The following PTPRC variants were observed in gnomAD, a reference collection of about 807,000 sequenced individuals.
PTPRC encodes receptor-type tyrosine-protein phosphatase C.
In PTPRC, 44 loss-of-function variants were observed where a neutral mutation model predicts 155.9. The observed-to-expected ratio is 0.28, with a 90% CI of 0.22 to 0.36. The LOEUF is 0.36. Ranked by LOEUF, PTPRC falls within the 10% of genes least tolerant of loss-of-function variation. PTPRC has a pLI of 1.00. For missense variants in PTPRC, 1,401 were observed against 1,564.6 expected, an observed-to-expected ratio of 0.90 and a Z score of 1.76; for synonymous variants, 525 against 533.1, an observed-to-expected ratio of 0.98 and a Z score of 0.21.
chr1:198,742,204 C>T, intron 24 of PTPRC, 28 bp from the exon 25 acceptor site: 3 of 1,612,016 alleles, frequency 1.9e-6, no homozygotes, highest in Non-Finnish European at 2.5e-6. Flanking sequence ...ATGATCATGC[C>T]TCTGCTTTTT....
intron 23 of PTPRC, among the ~76,000 whole-genome samples, chr1:198,740,181 C>G (rs1437144119): frequency 6.6e-6 from 1 of 151,328 alleles, no homozygotes; most frequent in East Asian, 1.9e-4. Context: ...GCAAACTGAA[C>G]TGTAAATTAG....
intron 14 of PTPRC, among the ~76,000 whole-genome samples, chr1:198,720,208 G>A (rs1571868340): frequency 6.6e-6 from 1 of 152,092 alleles, no homozygotes; most frequent in Admixed American, 6.5e-5. Context: ...GAGTAGAGAC[G>A]GTGTTGGCAT....
At chr1:198,752,162 CAGAG>C in intron 29 of PTPRC, 83 bp from the exon 30 acceptor site, 1 of 1,420,608 alleles carries the variant, frequency 7.0e-7, no homozygotes, top group South Asian at 1.2e-5. Flanking sequence ...GAGGCACAGA[CAGAG>C]AAAGAAAGGG....
intron 2 of PTPRC, among the ~76,000 whole-genome samples, chr1:198,652,331 A>C (rs1186017857): frequency 6.6e-6 from 1 of 151,726 alleles, no homozygotes; most frequent in East Asian, 1.9e-4. Context: ...ATTGAGAGAA[A>C]TCTCTCCCAT....
At chr1:198,692,577 T>C in intron 3 of PTPRC, 1 of 1,048,924 alleles carries the variant, frequency 9.5e-7, no homozygotes, top group Non-Finnish European at 1.2e-6. Flanking sequence ...TGTTATTAAA[T>C]TTGTATATAT....
intron 28 of PTPRC, among the ~76,000 whole-genome samples, chr1:198,749,928 T>G (rs1275533845): frequency 1.3e-5 from 2 of 151,904 alleles, no homozygotes; most frequent in Admixed American, 6.6e-5. Context: ...AAACTTTTCA[T>G]TCAGATAAAC....
Position 198,722,401 on chromosome 1 carries a change from G to T in PTPRC, c.1660-15G>T. 7.2e-7 allele frequency: 1 copy of T among 1,383,170 alleles called. No homozygotes were observed. Among genetic ancestry groups the T allele is most frequent in the Non-Finnish European group, 9.5e-7 (1 of 1,048,698 alleles). The allele number at this position is 1,383,170 out of a possible 1,614,324, so 85.7% of individuals were successfully genotyped here. A position where few individuals can be genotyped will look rare whatever the true frequency, so the allele number is the denominator to read the frequency against. On this transcript the variant is annotated splice_polypyrimidine_tract_variant and intron_variant, in intron 14 of 32. Coordinates refer to ENST00000442510, the MANE Select transcript of PTPRC (RefSeq NM_002838.5). ...TAGCAAACTAATTATTTTATTTTTT[G>T]TTACTGAAATTCAGGCCTATTTTCA...
intron 2 of PTPRC, among the ~76,000 whole-genome samples, chr1:198,665,398 T>C (rs1450408612): frequency 6.6e-6 from 1 of 152,110 alleles, no homozygotes; most frequent in Non-Finnish European, 1.5e-5. Context: ...TGAATGCATT[T>C]TTGTCAAAGT....
At chr1:198,739,784 C>G (rs1245103510) in intron 23 of PTPRC, among the ~76,000 whole-genome samples, 3 of 151,768 alleles carry the variant, frequency 2.0e-5, no homozygotes, top group Non-Finnish European at 4.4e-5. Context: ...ACACATTCTT[C>G]TCCTCAGCCC....
In PTPRC at chr1:198,692,374, G is replaced by A; in HGVS notation, c.100+1G>A. 6.8e-7 allele frequency: 1 copy of A among 1,474,418 alleles called. No individual in the cohort carries two copies. The allele number at this position is 1,474,418 out of a possible 1,614,324, so 91.3% of individuals were successfully genotyped here. On this transcript the variant is annotated splice_donor_variant, in intron 3 of 32. Transcript: ENST00000442510. LOFTEE classifies it high-confidence loss of function. ...CAAAGCCCAACACCTTCCCCCACTG[G>A]TAAGAATTAATATTTATATTTTTAC...
At chr1:198,681,802 C>A (rs1665349431) in intron 2 of PTPRC, among the ~76,000 whole-genome samples, 1 of 152,148 alleles carries the variant, frequency 6.6e-6, no homozygotes, top group Admixed American at 6.5e-5. Context: ...CATAATAAAA[C>A]TAACCTTACT....
intron 15 of PTPRC, among the ~76,000 whole-genome samples, chr1:198,726,851 C>CTTTTCTTTTCTTCTTCT (rs1367413031): frequency 1.3e-5 from 2 of 149,516 alleles, no homozygotes; most frequent in African/African-American, 4.9e-5. Context: ...TTTCTTTTTT[C>CTTTTCTTTTCTTCTTCT]TTTTCTTTTC....
chr1:198,682,127 T>C (rs1436456937), intron 2 of PTPRC, among the ~76,000 whole-genome samples: 1 of 152,240 alleles, frequency 6.6e-6, no homozygotes, highest in East Asian at 1.9e-4. Flanking sequence ...CAAACAGCAG[T>C]CTTATGAGAA....
intron 2 of PTPRC, among the ~76,000 whole-genome samples, chr1:198,643,947 A>G (rs1662790213): frequency 6.6e-6 from 1 of 151,920 alleles, no homozygotes; most frequent in Non-Finnish European, 1.5e-5. Flanking sequence ...ATTTCTTTAC[A>G]GACAGTGTGG....
In PTPRC at chr1:198,718,095, T is replaced by C. The variant is rs112871480; in HGVS notation, c.1452T>C (p.Pro484=). 6.2e-7 allele frequency: 1 copy of C among 1,609,664 alleles called. No individual in the cohort carries two copies. The highest frequency in any genetic ancestry group is 8.5e-7 in the Non-Finnish European group (1 of 1,175,904). ...ACAAATCTTTCTTCATTTTGATAGC[T>C]CCAAGCCAGGTCTGGAACATGACTG... ...AMCHFTTKSA[P]PSQVWNMTVS... is the part of the protein sequence containing the mutation. Residue 484 remains proline (P), a splice_region_variant and synonymous_variant, in exon 14 of 33, where the codon CCT becomes CCC. Transcript: ENST00000442510.
rs1167048148 is a variant in PTPRC at position 198,756,287 on chromosome 1, C to T, written c.*106C>T. The stretch of plus-strand genomic sequence containing the variant: ...TATACAGTGGATTAATTAAATGCAG[C>T]GAACCAATATTTGTAGAAGGGTTAT... On this transcript the variant is annotated 3_prime_UTR_variant, in exon 33 of 33. Transcript: ENST00000442510. The T allele has an allele frequency of 2.0e-5, 27 of 1,380,960 alleles. No homozygotes were observed. Among genetic ancestry groups the T allele is most frequent in the Admixed American group, 1.4e-4 (7 of 48,848 alleles). 85.5% of individuals were successfully genotyped at this position (1,380,960 alleles called of 1,614,324 possible).
At chr1:198,743,913 A>C (rs1288564305) in intron 25 of PTPRC, 141 bp from the exon 26 acceptor site, 24 of 782,184 alleles carry the variant, frequency 3.1e-5, no homozygotes, top group Non-Finnish European at 4.8e-5. Context: ...CAGAATATTT[A>C]AATATTATAG....
In PTPRC at chr1:198,694,658, G is replaced by C. The variant is rs1041284329; in HGVS notation, c.101-2054G>C. The C allele has an allele frequency of 1.2e-5, 12 of 983,346 alleles. No homozygotes were observed. The South Asian group carries it at 4.7e-4, about 39-fold the overall frequency. The allele number at this position is 983,346 out of a possible 1,614,324, so 60.9% of individuals were successfully genotyped here. A position where few individuals can be genotyped will look rare whatever the true frequency, so the allele number is the denominator to read the frequency against. On this transcript the variant is annotated intron_variant, in intron 3 of 32. Transcript: ENST00000442510. ...AAAATAACAAATTAATAATTATCAA[G>C]TCTATAATGATGACAGTGACTTAAT...
chr1:198,728,766 G>C (rs551418697), intron 16 of PTPRC, among the ~76,000 whole-genome samples: 1 of 152,292 alleles, frequency 6.6e-6, no homozygotes, highest in African/African-American at 2.4e-5. Context: ...AAAAAGAAAG[G>C]AGGGAGATGT....
Sources: gnomAD v4.1 joint callset for allele counts (sites outside exome capture counted in the v4.1 genomes callset) on GRCh38, gnomAD v4.1.1 for gene constraint, MANE v1.5 for transcripts, NCBI Gene and HGNC (gene_info 2026-07-23, HGNC 2026-07-21) for gene names.